Variants in APBA1 observed in about 807,000 individuals in gnomAD.
APBA1 encodes amyloid-beta A4 precursor protein-binding family A member 1.
In APBA1, 55 loss-of-function variants were observed where a neutral mutation model predicts 86.6. The observed-to-expected ratio is 0.64, with a 90% CI of 0.51 to 0.80. APBA1 has a LOEUF of 0.80. Ranked by LOEUF, APBA1 falls within the 30% of genes least tolerant of loss-of-function variation. The pLI is 0.00. For missense variants in APBA1, 1,090 were observed against 1,183.0 expected (o/e 0.92, Z 1.15); for synonymous variants, 511 against 493.9 (o/e 1.03, Z -0.46).
chr9:69,613,405 T>C (rs1244732537), intron 1 of APBA1, among the ~76,000 whole-genome samples: 1 of 152,220 alleles, frequency 6.6e-6, no homozygotes, highest in Non-Finnish European at 1.5e-5. Flanking sequence ...AAATGCTATC[T>C]TCTTCATTTA....
intron 1 of APBA1, among the ~76,000 whole-genome samples, chr9:69,626,921 G>T (rs1588399984): frequency 6.6e-6 from 1 of 151,468 alleles, no homozygotes; most frequent in Admixed American, 6.6e-5. Context: ...AAAAAACTTG[G>T]ACAATTTCCG....
At chr9:69,665,497 C>T (rs1474907214) in intron 1 of APBA1, among the ~76,000 whole-genome samples, 1 of 152,174 alleles carries the variant, frequency 6.6e-6, no homozygotes, top group East Asian at 1.9e-4. Flanking sequence ...ATTCTTTACA[C>T]CTGAGTTACT....
At chr9:69,586,511 G>A (rs538176480) in intron 1 of APBA1, among the ~76,000 whole-genome samples, 1 of 152,216 alleles carries the variant, frequency 6.6e-6, no homozygotes, top group East Asian at 1.9e-4. Flanking sequence ...TGATAACCTG[G>A]CTTTTGGGCA....
intron 12 of APBA1, 61 bp from the exon 13 acceptor site, chr9:69,431,459 T>A: frequency 6.9e-7 from 1 of 1,447,108 alleles, no homozygotes; most frequent in Non-Finnish European, 9.6e-7. Flanking sequence ...GCGTGGGCAC[T>A]GCCCAGGGCT....
chr9:69,550,780 G>C (rs1184322494), intron 1 of APBA1, among the ~76,000 whole-genome samples: 1 of 152,102 alleles, frequency 6.6e-6, no homozygotes, highest in Non-Finnish European at 1.5e-5. Context: ...AGTTATCTGG[G>C]GAAAAGCATT....
At chr9:69,441,206 C>T in intron 10 of APBA1, 91 bp from the exon 11 acceptor site, 3 of 1,475,848 alleles carry the variant, frequency 2.0e-6, no homozygotes, top group South Asian at 2.6e-5. Context: ...AAAGAAGCTG[C>T]ACTGAGTCTT....
At chr9:69,604,550 G>A (rs1394779612) in intron 1 of APBA1, among the ~76,000 whole-genome samples, 7 of 145,538 alleles carry the variant, frequency 4.8e-5, no homozygotes, top group African/African-American at 1.8e-4. Context: ...ACACGAGTGT[G>A]GGCACACATG....
intron 1 of APBA1, among the ~76,000 whole-genome samples, chr9:69,591,275 C>T (rs1335212793): frequency 6.6e-6 from 1 of 152,180 alleles, no homozygotes; most frequent in African/African-American, 2.4e-5. Context: ...CTAGCCTTCC[C>T]CTGTGGATTC....
At chr9:69,658,256 CTTTCTTTCTTTCTT>C (rs1564104772) in intron 1 of APBA1, among the ~76,000 whole-genome samples, 11 of 24,236 alleles carry the variant, frequency 4.5e-4, no homozygotes, top group Admixed American at 7.5e-4. Context: ...TTCTTTCTTT[CTTTCTTTCTTTCTT>C]TCTTTCTTTC....
intron 1 of APBA1, among the ~76,000 whole-genome samples, chr9:69,636,931 G>GAAAGAA (rs1823185847): frequency 1.5e-5 from 2 of 133,970 alleles, no homozygotes; most frequent in African/African-American, 5.8e-5. Context: ...AGGAAAGAAA[G>GAAAGAA]AAAGAAAGAA....
Position 69,516,735 on chromosome 9 carries a change from T to C in APBA1, c.476A>G (p.Glu159Gly). 1 of 1,612,076 alleles carries C rather than the reference T, an allele frequency of 6.2e-7. No individual in the cohort carries two copies. Among genetic ancestry groups the C allele is most frequent in the Non-Finnish European group, 8.5e-7 (1 of 1,179,444 alleles). ...GCCTGAGTAGGCCGCATTCATGGCT[T>C]CCTCGTGCTCCAGCGAGTGGAAGTG... Reference protein sequence around the residue: ...HLHFHSLEHEEAMNAAYSGYV... With the variant: ...HLHFHSLEHEGAMNAAYSGYV... Residue 159 changes from glutamate to glycine, a missense_variant, in exon 2 of 13, where the codon GAA becomes GGA. Around this residue, in one of 6 missense-constraint regions of APBA1, gnomAD observed 678 missense variants for 647.1 expected, o/e 1.05. Transcript: ENST00000265381. This position sits in a 1 kb window ranked among gnomAD's most constrained non-coding sequence, Gnocchi z 7.3.
chr9:69,528,844 T>C (rs1293633371), intron 1 of APBA1, among the ~76,000 whole-genome samples: 1 of 152,052 alleles, frequency 6.6e-6, no homozygotes, highest in Non-Finnish European at 1.5e-5. Context: ...AGAGGCTCAT[T>C]AATTCACACT....
Position 69,516,437 on chromosome 9 carries a change from G to A in APBA1, c.774C>T (p.Tyr258=). The A allele has an allele frequency of 6.2e-7, 1 of 1,604,656 alleles. No homozygotes were observed. Among genetic ancestry groups the A allele is most frequent in the East Asian group, 2.2e-5 (1 of 44,698 alleles). ...SPEKEAEFAP[Y]PRMDSYEQEE... ...CCTGCTCGTAGCTGTCCATGCGCGG[G>A]TAGGGCGCGAACTCGGCCTCCTTCT... is the stretch of plus-strand genomic sequence containing the variant. Residue 258 remains tyrosine (Y), a synonymous_variant, in exon 2 of 13, where the codon TAC becomes TAT. Coordinates refer to ENST00000265381, the MANE Select transcript of APBA1 (RefSeq NM_001163.4). This position sits in a 1 kb window ranked among gnomAD's most constrained non-coding sequence, Gnocchi z 7.3.
chr9:69,461,345 C>T (rs1374878285), intron 5 of APBA1: 2 of 152,056 alleles, frequency 1.3e-5, no homozygotes, highest in Non-Finnish European at 2.9e-5. Context: ...CACCCCCCAC[C>T]CCCTTACTCC....
Position 69,454,923 on chromosome 9 carries a change from T to C in APBA1, c.1788+1324A>G, listed in dbSNP as rs188428142. ...AGCTTTACAGGAACAGTAGGGAGAATGGCAGGCAGAGGTATTTCAAGCTCT... is the reference window on the plus strand; with the variant it reads ...AGCTTTACAGGAACAGTAGGGAGAACGGCAGGCAGAGGTATTTCAAGCTCT... On this transcript the variant is annotated intron_variant, in intron 8 of 12. Transcript: ENST00000265381. Among the ~76,000 whole-genome samples the C allele has an allele frequency of 1.2e-3, 188 of 152,284 alleles. 1 individual carries two copies. Among genetic ancestry groups the C allele is most frequent in the Non-Finnish European group, 1.9e-3 (128 of 68,022 alleles).
intron 1 of APBA1, among the ~76,000 whole-genome samples, chr9:69,561,697 T>G (rs1836948075): frequency 6.6e-6 from 1 of 151,824 alleles, no homozygotes; most frequent in Admixed American, 6.6e-5. Context: ...TGGTGCCATC[T>G]CGACTCACTG....
chr9:69,522,068 TACACAC>T (rs9314700), intron 1 of APBA1, among the ~76,000 whole-genome samples: 3 of 149,548 alleles, frequency 2.0e-5, no homozygotes, highest in Admixed American at 6.7e-5. Context: ...CACCATTTTA[TACACAC>T]ACACACACAC....
At chr9:69,628,241 G>A (rs1822971671) in intron 1 of APBA1, among the ~76,000 whole-genome samples, 1 of 152,146 alleles carries the variant, frequency 6.6e-6, no homozygotes, top group Non-Finnish European at 1.5e-5. Context: ...CATGCAAGTA[G>A]CTTCTTCCCC....
At chr9:69,554,913 A>G (rs1836839091) in intron 1 of APBA1, among the ~76,000 whole-genome samples, 1 of 152,206 alleles carries the variant, frequency 6.6e-6, no homozygotes, top group Non-Finnish European at 1.5e-5. Context: ...TCTCTTCACA[A>G]GACCATTTCT....
Sources: allele counts gnomAD v4.1 joint callset (sites outside exome capture counted in the v4.1 genomes callset), GRCh38; gene constraint gnomAD v4.1.1; regional missense constraint gnomAD v4.1.1; non-coding constraint Gnocchi (gnomAD v3.1); transcripts MANE v1.5; gene names NCBI Gene and HGNC (gene_info 2026-07-23, HGNC 2026-07-21).